TGFA: variants seen among roughly 807,000 people sequenced by gnomAD.
The protein encoded by TGFA is protransforming growth factor alpha.
TGFA carries 12 observed loss-of-function variants against 21.7 expected under a neutral mutation model. The ratio of observed to expected loss-of-function variants is 0.55; its 90% CI spans 0.35 to 0.90. The LOEUF is 0.90. Among genes scored for constraint, TGFA ranks in the 40% least tolerant of loss-of-function variants. TGFA has a pLI of 0.01. For synonymous variants in TGFA, 79 were observed against 88.1 expected, an observed-to-expected ratio of 0.90 and a Z score of 0.58; for missense variants, 178 against 210.8, an observed-to-expected ratio of 0.84 and a Z score of 0.96.
At chr2:70,501,314 G>A (rs1671732528) in intron 2 of TGFA, among the ~76,000 whole-genome samples, 1 of 150,236 alleles carries the variant, frequency 6.7e-6, no homozygotes, top group African/African-American at 2.5e-5. Flanking sequence ...AGAGAGGACA[G>A]CCTGCATCCT....
intron 2 of TGFA, among the ~76,000 whole-genome samples, chr2:70,468,103 G>T (rs532210859): frequency 1.1e-4 from 16 of 152,334 alleles, no homozygotes; most frequent in African/African-American, 3.8e-4. Context: ...TAGCTCTCCT[G>T]TTGTCACCAC....
At chr2:70,533,604 G>T (rs917170752) in intron 1 of TGFA, among the ~76,000 whole-genome samples, 12 of 152,002 alleles carry the variant, frequency 7.9e-5, no homozygotes, top group Admixed American at 7.2e-4. Flanking sequence ...CAACAGACCA[G>T]CAGGATAGGC....
intron 1 of TGFA, among the ~76,000 whole-genome samples, chr2:70,532,484 G>A (rs1453116441): frequency 6.6e-6 from 1 of 152,254 alleles, no homozygotes; most frequent in Admixed American, 6.5e-5. Context: ...GCTCAGGGAA[G>A]AGGAGCATGC....
At chr2:70,466,456 C>T (rs1441411000) in intron 2 of TGFA, among the ~76,000 whole-genome samples, 4 of 151,966 alleles carry the variant, frequency 2.6e-5, no homozygotes, top group Non-Finnish European at 4.4e-5. Flanking sequence ...TGCAGTGAGC[C>T]GAGATTGTGC....
At chr2:70,505,346 T>C (rs1671891144) in intron 2 of TGFA, among the ~76,000 whole-genome samples, 1 of 152,226 alleles carries the variant, frequency 6.6e-6, no homozygotes, top group South Asian at 2.1e-4. Flanking sequence ...GCAATCTGGT[T>C]ATCATTTGGT....
Position 70,450,700 on chromosome 2 carries a change from G to T in TGFA, c.*159C>A. On this transcript the variant is annotated 3_prime_UTR_variant, in exon 6 of 6. Transcript: ENST00000295400. ...ATAACCCCAAGCAGACGGAGTTCTT[G>T]ACAGAGTTTTGAAGGCCCACAAAAG... 1.4e-6 allele frequency: 1 copy of T among 736,792 alleles called. No individual in the cohort carries two copies. The highest frequency in any genetic ancestry group is 2.3e-6 in the Non-Finnish European group (1 of 432,938). 45.6% of individuals were successfully genotyped at this position (736,792 alleles called of 1,614,324 possible).
rs1670232620 is a variant in TGFA at position 70,456,464 on chromosome 2, T to C, written c.240A>G (p.Ala80=). 1 of 1,608,252 alleles carries C rather than the reference T, an allele frequency of 6.2e-7. No individual in the cohort carries two copies. Among genetic ancestry groups the C allele is most frequent in the Non-Finnish European group, 8.5e-7 (1 of 1,177,558 alleles). The change falls in exon 4 of 6, where the codon GCA becomes GCG. Residue 80 remains alanine (A), a synonymous_variant. Coordinates refer to ENST00000295400, the MANE Select transcript of TGFA (RefSeq NM_003236.4). ...CCAGGAGGTCCGCATGCTCACAGCG[T>C]GCACCAACGTACCCAGAATGGCAGC... ...ACVCHSGYVG[A]RCEHADLLAV...
intron 2 of TGFA, among the ~76,000 whole-genome samples, chr2:70,486,822 G>A (rs1246851775): frequency 1.3e-5 from 2 of 151,900 alleles, no homozygotes; most frequent in Admixed American, 1.3e-4. Flanking sequence ...GAGTGCAGTG[G>A]CACGATCTCG....
intron 2 of TGFA, among the ~76,000 whole-genome samples, chr2:70,513,110 G>A (rs1426060110): frequency 6.6e-6 from 1 of 152,234 alleles, no homozygotes; most frequent in Non-Finnish European, 1.5e-5. Flanking sequence ...AGCCCATGGA[G>A]ATGCGTGGAG....
At chr2:70,553,575 C>A in intron 1 of TGFA, 153 bp downstream of exon 1, 1 of 1,311,114 alleles carries the variant, frequency 7.6e-7, no homozygotes, top group Non-Finnish European at 9.7e-7. Flanking sequence ...CTTAATGACT[C>A]CCCTTGCCTC....
intron 1 of TGFA, among the ~76,000 whole-genome samples, chr2:70,526,911 G>C (rs1431410650): frequency 6.6e-6 from 1 of 152,174 alleles, no homozygotes; most frequent in Non-Finnish European, 1.5e-5. Flanking sequence ...AGTGAGAAAA[G>C]GGTTTCAGGT....
At chr2:70,497,668 T>A (rs1229279532) in intron 2 of TGFA, among the ~76,000 whole-genome samples, 6 of 152,144 alleles carry the variant, frequency 3.9e-5, no homozygotes, top group Non-Finnish European at 5.9e-5. Context: ...TAAGAGAAAG[T>A]GGCCTCCAGG....
At chr2:70,476,448 G>A (rs1351359564) in intron 2 of TGFA, among the ~76,000 whole-genome samples, 1 of 152,182 alleles carries the variant, frequency 6.6e-6, no homozygotes, top group African/African-American at 2.4e-5. Flanking sequence ...AGCCCCGTTA[G>A]AGCCCAGGGC....
intron 2 of TGFA, among the ~76,000 whole-genome samples, chr2:70,501,587 G>A (rs1230819438): frequency 1.3e-5 from 2 of 152,092 alleles, no homozygotes; most frequent in Non-Finnish European, 2.9e-5. Flanking sequence ...CCAGGGTACC[G>A]AAGAACTCTC....
intron 1 of TGFA, among the ~76,000 whole-genome samples, chr2:70,525,653 G>T (rs533036895): frequency 2.6e-5 from 4 of 152,278 alleles, no homozygotes; most frequent in South Asian, 2.1e-4. Context: ...GGGGAGAAAG[G>T]CCTGGGCAAC....
intron 2 of TGFA, among the ~76,000 whole-genome samples, chr2:70,502,510 G>C (rs782689727): frequency 1.3e-5 from 2 of 151,996 alleles, no homozygotes; most frequent in Non-Finnish European, 2.9e-5. Context: ...TGGCTAAGAC[G>C]GGATTTTACC....
intron 2 of TGFA, among the ~76,000 whole-genome samples, chr2:70,476,405 T>C (rs1553494393): frequency 6.6e-6 from 1 of 152,236 alleles, no homozygotes; most frequent in Non-Finnish European, 1.5e-5. Context: ...TCCTGCTGGA[T>C]GGGGAATTCT....
At chr2:70,524,267 G>A (rs1672565317) in intron 1 of TGFA, among the ~76,000 whole-genome samples, 1 of 152,250 alleles carries the variant, frequency 6.6e-6, no homozygotes, top group Non-Finnish European at 1.5e-5. Flanking sequence ...GCACGCATCT[G>A]GCTAGAGGTG....
intron 2 of TGFA, among the ~76,000 whole-genome samples, chr2:70,481,012 C>T (rs1477367308): frequency 1.3e-5 from 2 of 152,170 alleles, no homozygotes; most frequent in Non-Finnish European, 2.9e-5. Flanking sequence ...TCCAGAAACA[C>T]CAGGGTCATT....
Sources: allele counts gnomAD v4.1 joint callset (sites outside exome capture counted in the v4.1 genomes callset), GRCh38; gene constraint gnomAD v4.1.1; transcripts MANE v1.5; gene names NCBI Gene and HGNC (gene_info 2026-07-23, HGNC 2026-07-21).